PTPRN2: variants seen among roughly 807,000 people sequenced by gnomAD.
PTPRN2 encodes the protein receptor-type tyrosine-protein phosphatase N2.
Under a neutral mutation model 118.8 loss-of-function variants are expected in PTPRN2, and 74 were observed. That is an observed-to-expected ratio of 0.62 (90% CI 0.52 to 0.76). The LOEUF is 0.76. PTPRN2 is among the 30% of genes least tolerant of loss of function. PTPRN2 has a pLI of 0.00. For synonymous variants in PTPRN2, 641 were observed against 608.0 expected (o/e 1.05, Z -0.80); for missense variants, 1,481 against 1,394.4 (o/e 1.06, Z -0.99).
In PTPRN2 at chr7:157,698,625, A is replaced by G. The variant is rs898643099; in HGVS notation, c.1789-15688T>C. On this transcript the variant is annotated intron_variant, in intron 12 of 22. Transcript: ENST00000389418. ...TACTATTATTAGTTTTGTCCATTAA[A>G]AGTAGCATTTTGAAAAAATACTGTT... 1.1e-4 allele frequency among the ~76,000 whole-genome samples: 17 copies of G among 152,242 alleles called. No individual in the cohort carries two copies. The East Asian group carries it at 3.3e-3, about 29-fold the overall frequency.
chr7:158,205,869 G>A (rs143435677), intron 3 of PTPRN2, among the ~76,000 whole-genome samples: 33 of 152,282 alleles, frequency 2.2e-4, no homozygotes, highest in African/African-American at 6.7e-4. Flanking sequence ...AGAGCCCATG[G>A]AGGGAATATT....
intron 3 of PTPRN2, among the ~76,000 whole-genome samples, chr7:158,246,006 G>A (rs183834601): frequency 4.5e-4 from 69 of 152,100 alleles, no homozygotes; most frequent in Middle Eastern, 3.4e-3. Flanking sequence ...CAGCGAGACC[G>A]TCAGGGTGCC....
intron 11 of PTPRN2, among the ~76,000 whole-genome samples, chr7:157,973,728 G>A (rs371102697): frequency 2.0e-5 from 3 of 152,174 alleles, no homozygotes; most frequent in African/African-American, 4.8e-5. Context: ...TTTAAAATCT[G>A]TACTATTTTT....
intron 3 of PTPRN2, among the ~76,000 whole-genome samples, chr7:158,280,282 GC>G (rs1799332015): frequency 6.6e-6 from 1 of 152,234 alleles, no homozygotes; most frequent in South Asian, 2.1e-4. Context: ...AAGAGAGGCA[GC>G]AGCCATGAGA....
chr7:158,053,464 CAGAAA>C (rs1460053459), intron 11 of PTPRN2, among the ~76,000 whole-genome samples: 1 of 152,054 alleles, frequency 6.6e-6, no homozygotes, highest in Admixed American at 6.6e-5. Flanking sequence ...ACAGCGAAGA[CAGAAA>C]AGAAAAGAAT....
At chr7:158,560,077 A>C (rs1307070210) in intron 1 of PTPRN2, among the ~76,000 whole-genome samples, 1 of 152,210 alleles carries the variant, frequency 6.6e-6, no homozygotes, top group African/African-American at 2.4e-5. Context: ...ACCTCGTATC[A>C]AACAGCATTT....
chr7:157,755,733 G>T (rs1801742503), intron 12 of PTPRN2, among the ~76,000 whole-genome samples: 1 of 152,074 alleles, frequency 6.6e-6, no homozygotes, highest in South Asian at 2.1e-4. Flanking sequence ...AGAGGGAGGG[G>T]GTAGGAAGGG....
chr7:157,820,516 T>C (rs1218021107), intron 12 of PTPRN2, among the ~76,000 whole-genome samples: 2 of 136,566 alleles, frequency 1.5e-5, no homozygotes, highest in Non-Finnish European at 3.1e-5. Context: ...CACGCATTCT[T>C]ACACATGCAC....
rs1431898300 is a variant in PTPRN2 at position 157,674,327 on chromosome 7, GGCGGCCGGCAGATCA to G, written c.2001+8383_2001+8397del. Among the ~76,000 whole-genome samples the G allele has an allele frequency of 6.6e-6, 1 of 152,154 alleles. No individual in the cohort carries two copies. Among genetic ancestry groups the G allele is most frequent in the Non-Finnish European group, 1.5e-5 (1 of 68,026 alleles). Reference sequence around the variant, plus strand: ...CGAGGGTGGGGGGACTCCTGCTGGAGGCGGCCGGCAGATCAGCCTTCCTTATCCACGTCCTCGAAG... The same window carrying G: ...CGAGGGTGGGGGGACTCCTGCTGGAGGCCTTCCTTATCCACGTCCTCGAAG... On this transcript the variant is annotated intron_variant, in intron 13 of 22. Transcript: ENST00000389418. The surrounding 1 kb of genome is among the most constrained non-coding windows in gnomAD (Gnocchi z 4.5).
At chr7:157,853,561 A>G (rs1287983634) in intron 12 of PTPRN2, among the ~76,000 whole-genome samples, 1 of 151,728 alleles carries the variant, frequency 6.6e-6, no homozygotes, top group Non-Finnish European at 1.5e-5. Context: ...TCCCAGGCCC[A>G]CGGTCTTGGG....
At chr7:158,520,969 C>A (rs999869283) in intron 1 of PTPRN2, among the ~76,000 whole-genome samples, 46 of 152,292 alleles carry the variant, frequency 3.0e-4, no homozygotes, top group African/African-American at 8.7e-4. Context: ...AGATCTCAGC[C>A]AGCCAAGGAA....
chr7:158,127,872 GGGGC>G (rs1563473180), intron 9 of PTPRN2, among the ~76,000 whole-genome samples: 1 of 152,226 alleles, frequency 6.6e-6, no homozygotes, highest in African/African-American at 2.4e-5. Flanking sequence ...TTGGAGGACT[GGGGC>G]GGCTGTCCTG....
chr7:158,194,958 T>C (rs1292038051), intron 4 of PTPRN2, among the ~76,000 whole-genome samples: 3 of 152,232 alleles, frequency 2.0e-5, no homozygotes, highest in East Asian at 1.9e-4. Flanking sequence ...AACCTCACAA[T>C]ACACTTTCAT....
At chr7:158,340,016 CTCACTA>C (rs1221741300) in intron 2 of PTPRN2, among the ~76,000 whole-genome samples, 3 of 82,428 alleles carry the variant, frequency 3.6e-5, no homozygotes, top group Admixed American at 1.2e-4. Flanking sequence ...CACCCACACT[CTCACTA>C]TAAGAGGTGA....
intron 2 of PTPRN2, among the ~76,000 whole-genome samples, chr7:158,469,031 TCC>T (rs1819628700): frequency 6.6e-6 from 1 of 151,992 alleles, no homozygotes; most frequent in Non-Finnish European, 1.5e-5. Context: ...CCACACACAC[TCC>T]GGGTGGATCA....
chr7:157,898,928 T>C (rs184103220), intron 11 of PTPRN2, among the ~76,000 whole-genome samples, 191 bp from the exon 12 acceptor site: 1 of 152,320 alleles, frequency 6.6e-6, no homozygotes, highest in Non-Finnish European at 1.5e-5. Context: ...TGACCCAGTG[T>C]GCGTCCACCT....
At chr7:157,682,187 G>T (rs1250853096) in intron 13 of PTPRN2, among the ~76,000 whole-genome samples, 1 of 152,132 alleles carries the variant, frequency 6.6e-6, no homozygotes, top group Non-Finnish European at 1.5e-5. Flanking sequence ...ATTTCCAGGG[G>T]TGTCTGTGGT....
At chr7:158,096,525 T>C (rs76824829) in intron 10 of PTPRN2, among the ~76,000 whole-genome samples, 3,121 of 152,344 alleles carry the variant, frequency 0.02, 99 homozygotes, top group African/African-American at 0.064. Context: ...AAATCCACAG[T>C]GGCCTTCCCT....
At chr7:157,724,969 T>C (rs1173423349) in intron 12 of PTPRN2, among the ~76,000 whole-genome samples, 6 of 152,232 alleles carry the variant, frequency 3.9e-5, no homozygotes, top group Non-Finnish European at 1.5e-5. Context: ...ATTTTAAAGA[T>C]AATATTAACT....
Sources: allele counts gnomAD v4.1 joint callset (sites outside exome capture counted in the v4.1 genomes callset), GRCh38; gene constraint gnomAD v4.1.1; non-coding constraint Gnocchi (gnomAD v3.1); transcripts MANE v1.5; gene names NCBI Gene and HGNC (gene_info 2026-07-23, HGNC 2026-07-21).